The following ZBTB11 variants were observed in gnomAD, a reference collection of about 807,000 sequenced individuals.
The protein encoded by ZBTB11 is zinc finger and BTB domain-containing protein 11.
ZBTB11 carries 68 observed loss-of-function variants against 113.1 expected under a neutral mutation model. The observed-to-expected ratio is 0.60, with a 90% CI of 0.49 to 0.74. The LOEUF is 0.74. Among genes scored for constraint, ZBTB11 ranks in the 30% least tolerant of loss-of-function variants. ZBTB11 has a pLI of 0.00. For missense variants in ZBTB11, 1,104 were observed against 1,279.4 expected, an observed-to-expected ratio of 0.86 and a Z score of 2.09; for synonymous variants, 518 against 452.6, an observed-to-expected ratio of 1.14 and a Z score of -1.83.
At chr3:101,655,958 G>T in intron 7 of ZBTB11, 146 bp downstream of exon 7, 1 of 676,110 alleles carries the variant, frequency 1.5e-6, no homozygotes, top group Non-Finnish European at 2.1e-6. Context: ...ACCGCGCCCA[G>T]CCTGCACTTT....
At chr3:101,655,126 T>C (rs993933368) in intron 7 of ZBTB11, among the ~76,000 whole-genome samples, 4 of 152,226 alleles carry the variant, frequency 2.6e-5, no homozygotes, top group South Asian at 2.1e-4. Context: ...TCTACCCGCC[T>C]TGGCCTCTCA....
At chr3:101,668,315 A>G (rs951302411) in intron 3 of ZBTB11, among the ~76,000 whole-genome samples, 5 of 152,176 alleles carry the variant, frequency 3.3e-5, no homozygotes, top group Admixed American at 2.0e-4. Flanking sequence ...GTATATAGTT[A>G]ACAACAGTTT....
Position 101,665,695 on chromosome 3 carries a change from A to G in ZBTB11, c.892T>C (p.Ser298Pro). The part of the protein sequence containing the change: ...VAILARHLFM[S>P]EVLEICESVH... ...CTTTCACAAATCTCTAAGACTTCTG[A>G]CATGAAAAGATGACGAGCTAAGATG... is the stretch of plus-strand genomic sequence containing the variant. Residue 298 changes from serine to proline, a missense_variant, in exon 4 of 11, where the codon TCA (serine) becomes CCA (proline). Physicochemically the swap from Ser to Pro is moderately conservative, Grantham distance 74 (BLOSUM62 -1). Around this residue, in one of 5 missense-constraint regions of ZBTB11, gnomAD observed 86 missense variants for 131.0 expected, o/e 0.66. Transcript: ENST00000312938. 6.2e-7 allele frequency: 1 copy of G among 1,614,198 alleles called. No individual in the cohort carries two copies. The highest frequency in any genetic ancestry group is 8.5e-7 in the Non-Finnish European group (1 of 1,180,034).
chr3:101,659,651 AAAG>A, intron 6 of ZBTB11, 129 bp downstream of exon 6: 1 of 1,128,322 alleles, frequency 8.9e-7, no homozygotes, highest in Non-Finnish European at 1.3e-6. Flanking sequence ...TCTAGGCAAT[AAAG>A]AAGTCATAAA....
At position 101,677,004 on chromosome 3, in the gene ZBTB11, AC is replaced by A; in HGVS notation, c.-91del. On this transcript the variant is annotated 5_prime_UTR_variant, in exon 1 of 11. Coordinates refer to ENST00000312938, the MANE Select transcript of ZBTB11 (RefSeq NM_014415.4). ...GGGCGGCTGCAGGAGGAGCGGCGGC[AC>A]CGTAGGGAGAAACGGCTGCGCCTTT... 7.1e-7 allele frequency: 1 copy of A among 1,398,650 alleles called. No homozygotes were observed. The highest frequency in any genetic ancestry group is 9.5e-7 in the Non-Finnish European group (1 of 1,051,920). The allele number at this position is 1,398,650 out of a possible 1,614,324, so 86.6% of individuals were successfully genotyped here. A position where few individuals can be genotyped will look rare whatever the true frequency, so the allele number is the denominator to read the frequency against.
rs1053590018 is a variant in ZBTB11 at position 101,649,888 on chromosome 3, A to G, written c.*1278T>C. On this transcript the variant is annotated 3_prime_UTR_variant, in exon 11 of 11. Transcript: ENST00000312938. The stretch of plus-strand genomic sequence containing the variant: ...ATATCTTAATTTTATACTTTATAAC[A>G]GCTTCTAATACCTAAAAGCTTAATT... 2.0e-5 allele frequency: 3 copies of G among 152,634 alleles called. No homozygotes were observed. The highest frequency in any genetic ancestry group is 4.4e-5 in the Non-Finnish European group (3 of 68,028). 9.5% of individuals were successfully genotyped at this position (152,634 alleles called of 1,614,324 possible).
chr3:101,666,942 G>A (rs1221214849), intron 3 of ZBTB11, among the ~76,000 whole-genome samples: 1 of 152,060 alleles, frequency 6.6e-6, no homozygotes, highest in Non-Finnish European at 1.5e-5. Flanking sequence ...GTAGAGACGG[G>A]GTTTCACCAT....
chr3:101,676,546 C>G lies in ZBTB11; in HGVS notation c.310+59G>C, dbSNP rs1020156519. 1.7e-5 allele frequency: 24 copies of G among 1,423,624 alleles called. No individual in the cohort carries two copies. The Admixed American group carries it at 6.7e-4, about 40-fold the overall frequency. The allele number at this position is 1,423,624 out of a possible 1,614,324, so 88.2% of individuals were successfully genotyped here. A position where few individuals can be genotyped will look rare whatever the true frequency, so the allele number is the denominator to read the frequency against. On this transcript the variant is annotated intron_variant, in intron 1 of 10. Coordinates refer to ENST00000312938, the MANE Select transcript of ZBTB11 (RefSeq NM_014415.4). ...CGTGGGTACGCATAGGCCTCGCCAG[C>G]GAGCCTTGCCCAGGCAACGAGTCGC...
At chr3:101,653,190 T>G (rs917521923) in intron 8 of ZBTB11, among the ~76,000 whole-genome samples, 21 of 152,320 alleles carry the variant, frequency 1.4e-4, no homozygotes, top group Admixed American at 9.8e-4. Flanking sequence ...TACTATTCTC[T>G]CTCCTAAATT....
At chr3:101,653,341 T>C (rs908654939) in intron 8 of ZBTB11, among the ~76,000 whole-genome samples, 2 of 152,186 alleles carry the variant, frequency 1.3e-5, no homozygotes, top group Non-Finnish European at 2.9e-5. Flanking sequence ...GCCATAGTGA[T>C]TGACTCAGGG....
chr3:101,663,760 C>T (rs546353200), intron 5 of ZBTB11, among the ~76,000 whole-genome samples: 7 of 152,098 alleles, frequency 4.6e-5, no homozygotes, highest in African/African-American at 2.4e-5. Context: ...CATGGTGGCT[C>T]GTGCCTGTAG....
chr3:101,659,928 G>C lies in ZBTB11; in HGVS notation c.1901C>G (p.Ser634Cys). 1.2e-6 allele frequency: 2 copies of C among 1,614,196 alleles called. No homozygotes were observed. The highest frequency in any genetic ancestry group is 1.7e-6 in the Non-Finnish European group (2 of 1,180,036). ...APSSSSSNST[S>C]NEASGTSSEK... is the part of the protein sequence containing the mutation. ...AGATGATGTTCCCGATGCTTCATTA[G>C]ACGTGGAATTGGACGAGGATGAAGA... Residue 634 changes from serine to cysteine, a missense_variant, in exon 6 of 11, where the codon TCT (serine) becomes TGT (cysteine). Physicochemically the swap from Ser to Cys is moderately radical, Grantham distance 112. Transcript: ENST00000312938.
At chr3:101,674,177 G>A (rs1034300338) in intron 1 of ZBTB11, among the ~76,000 whole-genome samples, 1 of 151,828 alleles carries the variant, frequency 6.6e-6, no homozygotes, top group African/African-American at 2.4e-5. Context: ...TTAGCTAGGT[G>A]TGGAGGCACG....
chr3:101,656,450 ATCTT>A (rs772682322), intron 6 of ZBTB11, among the ~76,000 whole-genome samples: 30 of 152,200 alleles, frequency 2.0e-4, no homozygotes, highest in Non-Finnish European at 4.3e-4. Flanking sequence ...AAATATTGTT[ATCTT>A]TCTTAAATCC....
chr3:101,670,094 C>T (rs1244750254), intron 3 of ZBTB11, among the ~76,000 whole-genome samples: 1 of 152,178 alleles, frequency 6.6e-6, no homozygotes, highest in African/African-American at 2.4e-5. Context: ...TCCCAAAGTG[C>T]TGGGATTACA....
intron 1 of ZBTB11, among the ~76,000 whole-genome samples, chr3:101,672,571 T>A (rs1438258767): frequency 2.6e-5 from 4 of 152,152 alleles, no homozygotes; most frequent in African/African-American, 9.7e-5. Context: ...ATTAACAATT[T>A]AGGGCATGAT....
At position 101,671,272 on chromosome 3, in the gene ZBTB11, C is replaced by G; in HGVS notation, c.636G>C (p.Gln212His). The G allele has an allele frequency of 6.2e-7, 1 of 1,614,172 alleles. No homozygotes were observed. Among genetic ancestry groups the G allele is most frequent in the Non-Finnish European group, 8.5e-7 (1 of 1,180,032 alleles). ...KQLNEQRLSN[Q>H]FCDVTLLIEG... ...CAATTAACAAAGTAACATCACAGAA[C>G]TGGTTGGAAAGTCTCTGTTCGTTCA... The change falls in exon 3 of 11, where the codon CAG becomes CAC. Residue 212 changes from glutamine (Q) to histidine (H), a missense_variant. By Grantham distance (24) the Gln-to-His change is conservative. Coordinates refer to ENST00000312938, the MANE Select transcript of ZBTB11 (RefSeq NM_014415.4).
intron 2 of ZBTB11, 94 bp from the exon 3 acceptor site, chr3:101,671,455 T>C: frequency 1.2e-6 from 1 of 841,120 alleles, no homozygotes; most frequent in East Asian, 2.4e-5. Context: ...TATTACCTTT[T>C]ACCAGGTATG....
intron 6 of ZBTB11, among the ~76,000 whole-genome samples, chr3:101,657,154 A>AC (rs1936813112): frequency 6.6e-6 from 1 of 150,700 alleles, no homozygotes; most frequent in African/African-American, 2.4e-5. Context: ...AAAAAAAAAA[A>AC]AACAAAAAAC....
Sources: gnomAD v4.1 joint callset for allele counts (sites outside exome capture counted in the v4.1 genomes callset) on GRCh38, gnomAD v4.1.1 for gene constraint, gnomAD v4.1.1 regional missense constraint, MANE v1.5 for transcripts, NCBI Gene and HGNC (gene_info 2026-07-23, HGNC 2026-07-21) for gene names.